Variants in PPP1R42 observed in about 807,000 individuals in gnomAD.
PPP1R42 encodes leucine rich repeat containing 67.
In PPP1R42, 34 loss-of-function variants were observed where a neutral mutation model predicts 31.0. That is an observed-to-expected ratio of 1.10 (90% CI 0.83 to 1.46). The LOEUF (loss-of-function observed/expected upper bound fraction) is 1.46. Among genes scored for constraint, PPP1R42 ranks in the 40% most tolerant of loss-of-function variants. The pLI, the probability that PPP1R42 is intolerant of heterozygous loss-of-function variation, is 0.00. For synonymous variants in PPP1R42, 103 were observed against 109.8 expected (o/e 0.94, Z 0.39); for missense variants, 268 against 303.0 (o/e 0.88, Z 0.86).
At chr8:67,015,918 A>G (rs529071516) in intron 2 of PPP1R42, among the ~76,000 whole-genome samples, 94 of 152,298 alleles carry the variant, frequency 6.2e-4, no homozygotes, top group African/African-American at 2.3e-3. Flanking sequence ...AGTTATTCTC[A>G]TTTTAGTGTG....
chr8:67,013,359 A>C, intron 3 of PPP1R42, among the ~76,000 whole-genome samples: 1 of 151,652 alleles, frequency 6.6e-6, no homozygotes, highest in East Asian at 1.9e-4. Context: ...TATGTTGCCT[A>C]ACATATGAAA....
chr8:66,983,458 T>C (rs747602844), intron 6 of PPP1R42, among the ~76,000 whole-genome samples: 1 of 152,154 alleles, frequency 6.6e-6, no homozygotes, highest in Admixed American at 6.5e-5. Flanking sequence ...GATGGTTTTT[T>C]TCTTCAAAAT....
chr8:67,000,737 C>T (rs989170552), intron 5 of PPP1R42, among the ~76,000 whole-genome samples: 4 of 152,164 alleles, frequency 2.6e-5, no homozygotes, highest in African/African-American at 4.8e-5. Context: ...GTATTAGAGG[C>T]GTGAGCCACT....
chr8:66,975,532 G>C (rs1167555206), intron 7 of PPP1R42, among the ~76,000 whole-genome samples: 1 of 152,080 alleles, frequency 6.6e-6, no homozygotes, highest in Non-Finnish European at 1.5e-5. Context: ...TGTAATCCCA[G>C]CTTCTCGGGA....
chr8:67,004,742 C>T (rs866981194), intron 5 of PPP1R42, among the ~76,000 whole-genome samples: 1 of 151,904 alleles, frequency 6.6e-6, no homozygotes, highest in East Asian at 1.9e-4. Context: ...TTTTTGTTTC[C>T]GTTTCTCTCT....
chr8:66,990,466 A>G lies in PPP1R42; in HGVS notation c.553-1949T>C, dbSNP rs529019454. Among the ~76,000 whole-genome samples, 296 of 152,312 alleles carry G rather than the reference A, an allele frequency of 1.9e-3. 5 individuals are homozygous for G. Among genetic ancestry groups the G allele is most frequent in the African/African-American group, 5.9e-3 (246 of 41,576 alleles). The stretch of plus-strand genomic sequence containing the variant: ...GTTGTTCATTGCCTTCCTGTCTTTA[A>G]TAAAAAGCTTTCACTTTCCTGCTCT... On this transcript the variant is annotated intron_variant, in intron 5 of 7. Transcript: ENST00000685739.
chr8:66,984,730 TG>T, intron 6 of PPP1R42: 1 of 1,607,288 alleles, frequency 6.2e-7, no homozygotes, highest in South Asian at 1.1e-5. Flanking sequence ...AGCTGTGACA[TG>T]GGCTTCTACC....
chr8:67,002,919 C>T (rs574689260), intron 5 of PPP1R42, among the ~76,000 whole-genome samples: 1 of 150,064 alleles, frequency 6.7e-6, no homozygotes, highest in Non-Finnish European at 1.5e-5. Context: ...TTTGGGAGGC[C>T]GAGGCGGTTT....
At chr8:67,005,405 T>TC (rs1178554234) in intron 5 of PPP1R42, among the ~76,000 whole-genome samples, 1 of 152,140 alleles carries the variant, frequency 6.6e-6, no homozygotes, top group African/African-American at 2.4e-5. Context: ...CTCATTTTTT[T>TC]CTCTGTCTCT....
intron 7 of PPP1R42, among the ~76,000 whole-genome samples, chr8:66,973,358 C>T (rs1563413156): frequency 6.6e-6 from 1 of 151,744 alleles, no homozygotes; most frequent in Non-Finnish European, 1.5e-5. Flanking sequence ...GGCTGGGGTA[C>T]AGTGGTGCCA....
chr8:66,986,878 C>T (rs1312860784), intron 6 of PPP1R42, among the ~76,000 whole-genome samples: 3 of 152,094 alleles, frequency 2.0e-5, no homozygotes, highest in African/African-American at 4.8e-5. Context: ...TTAACAGTGG[C>T]GTCAGGCTGG....
intron 1 of PPP1R42, among the ~76,000 whole-genome samples, chr8:67,023,583 A>C (rs1816288982): frequency 6.6e-6 from 1 of 152,164 alleles, no homozygotes. Context: ...TATTTTATAG[A>C]GTCTTTGGGT....
Position 66,988,636 on chromosome 8 carries a change from G to C in PPP1R42, c.553-119C>G, listed in dbSNP as rs535350868. On this transcript the variant is annotated intron_variant, in intron 5 of 7. Coordinates refer to ENST00000685739, the MANE Select transcript of PPP1R42 (RefSeq NM_001364910.1). The stretch of plus-strand genomic sequence containing the variant: ...TTCATGGAGTTCTAGCTCAGAGCCA[G>C]GTACTTAGAAGGTGCATAATAACTA... The C allele has an allele frequency of 1.5e-5, 13 of 860,760 alleles. No individual in the cohort carries two copies. In the Admixed American group the frequency reaches 3.5e-4, roughly 23 times the overall value. The allele number at this position is 860,760 out of a possible 1,614,324, so 53.3% of individuals were successfully genotyped here. A position where few individuals can be genotyped will look rare whatever the true frequency, so the allele number is the denominator to read the frequency against.
intron 1 of PPP1R42, among the ~76,000 whole-genome samples, chr8:67,023,733 G>A (rs995799626): frequency 5.9e-5 from 9 of 151,686 alleles, no homozygotes; most frequent in Admixed American, 2.6e-4. Flanking sequence ...CGATGAGGGC[G>A]TATACACTTG....
intron 7 of PPP1R42, among the ~76,000 whole-genome samples, chr8:66,972,535 G>A (rs529396508): frequency 3.9e-5 from 6 of 152,000 alleles, no homozygotes; most frequent in South Asian, 4.2e-4. Context: ...GATTATAGGC[G>A]CCTGCCACCA....
At chr8:67,012,437 C>G (rs1815869772) in intron 4 of PPP1R42, among the ~76,000 whole-genome samples, 1 of 152,146 alleles carries the variant, frequency 6.6e-6, no homozygotes, top group African/African-American at 2.4e-5. Flanking sequence ...TCAGGCGACA[C>G]AGTTGGGGCC....
intron 7 of PPP1R42, among the ~76,000 whole-genome samples, chr8:66,966,542 T>C (rs111909775): frequency 7.1e-4 from 108 of 152,218 alleles, no homozygotes; most frequent in African/African-American, 2.4e-3. Flanking sequence ...TCCCCCCACT[T>C]TGGGAGGCCG....
intron 1 of PPP1R42, among the ~76,000 whole-genome samples, chr8:67,028,019 A>G (rs943169525): frequency 2.0e-5 from 3 of 152,078 alleles, no homozygotes; most frequent in Non-Finnish European, 4.4e-5. Context: ...GGTTTCTTAC[A>G]TGGGTGGAAT....
intron 7 of PPP1R42, among the ~76,000 whole-genome samples, chr8:66,973,886 C>A (rs1009692788): frequency 6.6e-6 from 1 of 152,186 alleles, no homozygotes; most frequent in African/African-American, 2.4e-5. Context: ...ACCCTCAAGG[C>A]TCACCCATGT....
Sources: gnomAD v4.1 joint callset for allele counts (sites outside exome capture counted in the v4.1 genomes callset) on GRCh38, gnomAD v4.1.1 for gene constraint, MANE v1.5 for transcripts, NCBI Gene and HGNC (gene_info 2026-07-23, HGNC 2026-07-21) for gene names.